The following GHR variants were observed in gnomAD, a reference collection of about 807,000 sequenced individuals.
The protein encoded by GHR is growth hormone receptor, also known as GH receptor.
A neutral mutation model predicts 67.1 loss-of-function variants in GHR; 35 were observed. The ratio of observed to expected loss-of-function variants is 0.52; its 90% confidence interval spans 0.40 to 0.69. GHR has a LOEUF of 0.69. Ranked by LOEUF, GHR falls within the 30% of genes least tolerant of loss-of-function variation. The pLI, the probability that GHR is intolerant of heterozygous loss-of-function variation, is 0.00. For synonymous variants in GHR, 272 were observed against 269.1 expected, an observed-to-expected ratio of 1.01 and a Z score of -0.10; for missense variants, 792 against 764.6, an observed-to-expected ratio of 1.04 and a Z score of -0.42.
At chr5:42,573,049 G>C (rs73085421) in intron 2 of GHR, among the ~76,000 whole-genome samples, 4,912 of 152,230 alleles carry the variant, frequency 0.032, 277 homozygotes, top group African/African-American at 0.11. Flanking sequence ...GTAATAAAAT[G>C]TTATAGAATT....
In GHR at chr5:42,642,508, G is replaced by A. The variant is rs1754530672; in HGVS notation, c.136+13405G>A. On this transcript the variant is annotated intron_variant, in intron 3 of 9. Transcript: ENST00000230882. ...ACCACAGCAAGAACCTAAAATCCTA[G>A]TGGGTTGTTAGTATAGACAGGCTGA... Among the ~76,000 whole-genome samples the A allele has an allele frequency of 3.3e-5, 5 of 152,102 alleles. No homozygotes were observed. The South Asian group carries it at 1.0e-3, about 31-fold the overall frequency.
chr5:42,671,727 T>C (rs1399341834), intron 3 of GHR, among the ~76,000 whole-genome samples: 1 of 148,258 alleles, frequency 6.7e-6, no homozygotes, highest in African/African-American at 2.5e-5. Context: ...GAGGCCGAGG[T>C]GGGCGGATCA....
At chr5:42,492,601 T>G (rs1402818557) in intron 1 of GHR, among the ~76,000 whole-genome samples, 2 of 152,218 alleles carry the variant, frequency 1.3e-5, no homozygotes, top group African/African-American at 4.8e-5. Flanking sequence ...GAGTAATTTT[T>G]AAAAGTAATT....
intron 3 of GHR, among the ~76,000 whole-genome samples, chr5:42,660,233 G>A (rs929312673): frequency 6.6e-6 from 1 of 152,196 alleles, no homozygotes; most frequent in African/African-American, 2.4e-5. Context: ...AAATGTCCCT[G>A]TCTGACAGCT....
At chr5:42,432,208 C>T (rs1743125142) in intron 1 of GHR, among the ~76,000 whole-genome samples, 1 of 152,116 alleles carries the variant, frequency 6.6e-6, no homozygotes, top group African/African-American at 2.4e-5. Context: ...AAAGAAAAAT[C>T]CTTATTCTTT....
At chr5:42,553,101 A>G (rs1453394917) in intron 1 of GHR, among the ~76,000 whole-genome samples, 1 of 152,190 alleles carries the variant, frequency 6.6e-6, no homozygotes, top group Non-Finnish European at 1.5e-5. Flanking sequence ...TAAAGGCTGT[A>G]GTAGTTTTCT....
chr5:42,470,316 C>T (rs902492384), intron 1 of GHR, among the ~76,000 whole-genome samples: 4 of 150,270 alleles, frequency 2.7e-5, no homozygotes, highest in African/African-American at 9.7e-5. Flanking sequence ...CACACACACA[C>T]GCACATATAT....
intron 3 of GHR, among the ~76,000 whole-genome samples, chr5:42,644,997 G>C (rs1754659924): frequency 6.6e-6 from 1 of 152,028 alleles, no homozygotes; most frequent in African/African-American, 2.4e-5. Flanking sequence ...CATTCCTTTT[G>C]TCTTTATTAC....
At chr5:42,705,802 C>T (rs892532335) in intron 6 of GHR, among the ~76,000 whole-genome samples, 1 of 151,888 alleles carries the variant, frequency 6.6e-6, no homozygotes, top group Non-Finnish European at 1.5e-5. Flanking sequence ...ATCCAGTGTA[C>T]CATTTTCTTT....
At chr5:42,537,254 G>T (rs1482435032) in intron 1 of GHR, among the ~76,000 whole-genome samples, 1 of 152,026 alleles carries the variant, frequency 6.6e-6, no homozygotes, top group Non-Finnish European at 1.5e-5. Flanking sequence ...ACCTTAGAAA[G>T]TCACTTTGTG....
intron 3 of GHR, among the ~76,000 whole-genome samples, chr5:42,683,567 G>C (rs1034476803): frequency 3.9e-5 from 6 of 152,162 alleles, no homozygotes; most frequent in African/African-American, 1.4e-4. Flanking sequence ...AATGAGAGAA[G>C]ACAGGAATCA....
At chr5:42,712,947 GT>G (rs1758535513) in intron 7 of GHR, among the ~76,000 whole-genome samples, 1 of 151,450 alleles carries the variant, frequency 6.6e-6, no homozygotes, top group African/African-American at 2.4e-5. Context: ...AGAAGTTTCT[GT>G]CATGATTTAT....
At chr5:42,671,955 CAAAAAA>C (rs33965774) in intron 3 of GHR, among the ~76,000 whole-genome samples, 2 of 111,188 alleles carry the variant, frequency 1.8e-5, no homozygotes, top group African/African-American at 3.7e-5. Context: ...GACTCCGTCT[CAAAAAA>C]AAAAAAAAAA....
chr5:42,606,083 C>A (rs1580043155), intron 2 of GHR, among the ~76,000 whole-genome samples: 1 of 152,110 alleles, frequency 6.6e-6, no homozygotes, highest in East Asian at 1.9e-4. Flanking sequence ...GCTCCCAGAG[C>A]TAGGTGATTT....
intron 3 of GHR, among the ~76,000 whole-genome samples, chr5:42,671,168 C>A (rs544983371): frequency 9.9e-5 from 15 of 152,282 alleles, no homozygotes; most frequent in African/African-American, 2.9e-4. Context: ...TTAATTTGTT[C>A]ATGGTTCTGC....
intron 2 of GHR, among the ~76,000 whole-genome samples, chr5:42,568,121 T>G (rs1037151208): frequency 2.6e-5 from 4 of 152,166 alleles, no homozygotes; most frequent in Admixed American, 2.6e-4. Context: ...ACCCAGGAGC[T>G]GGTAGAAGAT....
intron 6 of GHR, among the ~76,000 whole-genome samples, chr5:42,708,859 T>A (rs542026254): frequency 1.3e-5 from 2 of 152,338 alleles, no homozygotes; most frequent in South Asian, 4.1e-4. Flanking sequence ...CTGCTAAATC[T>A]CGTTAGGTAG....
At chr5:42,563,175 G>T (rs1282535483) in intron 1 of GHR, among the ~76,000 whole-genome samples, 1 of 152,132 alleles carries the variant, frequency 6.6e-6, no homozygotes, top group East Asian at 1.9e-4. Flanking sequence ...AAGCAGAAAA[G>T]GCTGCGTGGG....
At chr5:42,707,644 A>G (rs1164184759) in intron 6 of GHR, among the ~76,000 whole-genome samples, 1 of 151,820 alleles carries the variant, frequency 6.6e-6, no homozygotes, top group African/African-American at 2.4e-5. Flanking sequence ...AGTGTTTTAT[A>G]GTTCTACTTA....
Sources: gnomAD v4.1 joint callset for allele counts (sites outside exome capture counted in the v4.1 genomes callset) on GRCh38, gnomAD v4.1.1 for gene constraint, MANE v1.5 for transcripts, NCBI Gene and HGNC (gene_info 2026-07-23, HGNC 2026-07-21) for gene names.